The following SOX5 variants were observed in gnomAD, a reference collection of about 807,000 sequenced individuals.
SOX5 encodes SRY-box transcription factor 5, also known as transcription factor SOX-5.
In SOX5, 9 loss-of-function variants were observed where a neutral mutation model predicts 92.0. The observed-to-expected ratio is 0.10, with a 90% CI of 0.06 to 0.17. SOX5 has a LOEUF of 0.17. SOX5 is among the 10% of genes least tolerant of loss of function. The pLI, the probability that SOX5 is intolerant of heterozygous loss-of-function variation, is 1.00. For missense variants in SOX5, 642 were observed against 944.5 expected, an observed-to-expected ratio of 0.68 and a Z score of 4.20; for synonymous variants, 344 against 336.3, an observed-to-expected ratio of 1.02 and a Z score of -0.25.
intron 4 of SOX5, among the ~76,000 whole-genome samples, chr12:24,176,185 T>C (rs1413203666): frequency 6.6e-6 from 1 of 151,936 alleles, no homozygotes; most frequent in African/African-American, 2.4e-5. Context: ...ATAAATTAGC[T>C]GGGTGTGGTG....
chr12:23,899,072 C>G (rs80081717), intron 1 of SOX5, among the ~76,000 whole-genome samples: 11,741 of 152,192 alleles, frequency 0.077, 564 homozygotes, highest in Middle Eastern at 0.13. Context: ...TTTTGTCCAT[C>G]TATCAAAGTG....
At chr12:24,162,197 T>A (rs1952835340) in intron 4 of SOX5, among the ~76,000 whole-genome samples, 1 of 152,102 alleles carries the variant, frequency 6.6e-6, no homozygotes, top group Non-Finnish European at 1.5e-5. Context: ...CATTGTGCTT[T>A]TATAGAAAGA....
rs146185630 is a variant in SOX5, at chr12:23,836,783, C to T, written c.481+9200G>A. Among the ~76,000 whole-genome samples, 6 of 151,906 alleles carry T rather than the reference C, an allele frequency of 3.9e-5. No homozygotes were observed. In the East Asian group the frequency reaches 1.2e-3, roughly 29 times the overall value. ...CACAACCTGCTGTTCATTTTAATGG[C>T]CTTTGAAAAACAATGGCAAAAATAG... is the stretch of plus-strand genomic sequence containing the variant. On this transcript the variant is annotated intron_variant, in intron 3 of 14. Transcript: ENST00000451604.
At chr12:24,339,080 G>A (rs1300483294) in intron 2 of SOX5, among the ~76,000 whole-genome samples, 1 of 151,862 alleles carries the variant, frequency 6.6e-6, no homozygotes, top group Admixed American at 6.6e-5. Context: ...CTCTTTTGGA[G>A]CTTACAGTCT....
intron 1 of SOX5, among the ~76,000 whole-genome samples, chr12:24,444,042 G>A (rs1596702871): frequency 6.6e-6 from 1 of 152,206 alleles, no homozygotes; most frequent in Non-Finnish European, 1.5e-5. Flanking sequence ...GGAAGGGGTT[G>A]AGGTAGTTCT....
chr12:24,160,852 G>T (rs1952682472), intron 4 of SOX5, among the ~76,000 whole-genome samples: 1 of 151,926 alleles, frequency 6.6e-6, no homozygotes, highest in African/African-American at 2.4e-5. Context: ...ATTTTTCAGG[G>T]GATGACCTCA....
chr12:24,143,833 G>GAGGAGGA (rs1017291853), intron 4 of SOX5, among the ~76,000 whole-genome samples: 1 of 151,340 alleles, frequency 6.6e-6, no homozygotes, highest in East Asian at 1.9e-4. Context: ...AAAGAAAGAG[G>GAGGAGGA]AGGAGGAAGA....
intron 1 of SOX5, among the ~76,000 whole-genome samples, chr12:24,461,387 G>A (rs1464343442): frequency 6.6e-6 from 1 of 152,174 alleles, no homozygotes; most frequent in Admixed American, 6.5e-5. Flanking sequence ...CAAGAGAAAT[G>A]GGAGGATGAC....
intron 4 of SOX5, among the ~76,000 whole-genome samples, chr12:23,993,925 ATGTATGTG>A (rs1569436833): frequency 4.0e-5 from 6 of 151,734 alleles, no homozygotes; most frequent in Non-Finnish European, 8.8e-5. Context: ...GCATGTATGC[ATGTATGTG>A]TGTATGTTTG....
intron 1 of SOX5, among the ~76,000 whole-genome samples, chr12:23,911,551 A>G (rs1230011659): frequency 6.6e-6 from 1 of 152,118 alleles, no homozygotes; most frequent in Admixed American, 6.6e-5. Context: ...ATGACTTATT[A>G]ATAACATATA....
In SOX5 at chr12:23,530,798, A is replaced by AGTGAGTGTGTGTGT. The variant is rs1555114759; in HGVS notation, c.*3420_*3421insACACACACACTCAC. On this transcript the variant is annotated 3_prime_UTR_variant, in exon 15 of 15. Transcript: ENST00000451604. ...AAGATTATTTCTCAGTGTTGGGGCA[A>AGTGAGTGTGTGTGT]GTGTGTGTGTGTGTGTGTGTGCGCG... is the stretch of plus-strand genomic sequence containing the variant. The AGTGAGTGTGTGTGT allele has an allele frequency of 9.1e-6, 1 of 109,472 alleles. No homozygotes were observed. Among genetic ancestry groups the AGTGAGTGTGTGTGT allele is most frequent in the Non-Finnish European group, 1.9e-5 (1 of 51,770 alleles). 6.8% of individuals were successfully genotyped at this position (109,472 alleles called of 1,614,324 possible). A position where few individuals can be genotyped will look rare whatever the true frequency, so the allele number is the denominator to read the frequency against.
In SOX5 at chr12:24,320,732, G is replaced by A. The variant is rs1312104404; in HGVS notation, c.-173-43420C>T. Among the ~76,000 whole-genome samples the A allele has an allele frequency of 2.6e-5, 4 of 151,962 alleles. No homozygotes were observed. The East Asian group carries it at 7.7e-4, about 29-fold the overall frequency. On this transcript the variant is annotated intron_variant, in intron 2 of 4. Coordinates refer to the SOX5 transcript ENST00000446891. Reference sequence around the variant, plus strand: ...TACAAAAAATTAGCAGGGCATGGTGGTGGGCACCTGTAGTCCCAGCTACTC... The same window carrying A: ...TACAAAAAATTAGCAGGGCATGGTGATGGGCACCTGTAGTCCCAGCTACTC...
At chr12:24,360,010 AG>A (rs1255264999) in intron 2 of SOX5, among the ~76,000 whole-genome samples, 1 of 152,234 alleles carries the variant, frequency 6.6e-6, no homozygotes, top group East Asian at 1.9e-4. Flanking sequence ...GAAAAGAAAA[AG>A]GATGGCAGGG....
At chr12:24,059,275 C>G (rs892493206) in intron 4 of SOX5, among the ~76,000 whole-genome samples, 1 of 151,958 alleles carries the variant, frequency 6.6e-6, no homozygotes, top group African/African-American at 2.4e-5. Context: ...TCACAGCACT[C>G]TCATCGCACC....
chr12:23,559,689 G>A (rs924476638), intron 11 of SOX5, among the ~76,000 whole-genome samples: 2 of 152,152 alleles, frequency 1.3e-5, no homozygotes, highest in African/African-American at 4.8e-5. Context: ...ATGAAGAAAA[G>A]TTAATGTGTA....
At chr12:24,158,558 A>G (rs1388875458) in intron 4 of SOX5, among the ~76,000 whole-genome samples, 2 of 152,010 alleles carry the variant, frequency 1.3e-5, no homozygotes, top group Admixed American at 6.6e-5. Context: ...TAACAGTTTA[A>G]TAAGACTGCT....
At chr12:23,648,071 T>C (rs1164869796) in intron 7 of SOX5, among the ~76,000 whole-genome samples, 3 of 152,210 alleles carry the variant, frequency 2.0e-5, no homozygotes, top group Admixed American at 6.5e-5. Context: ...TCCCATCTTA[T>C]GTGGGTGCAG....
At chr12:23,948,515 T>C (rs1944982976) in intron 1 of SOX5, among the ~76,000 whole-genome samples, 1 of 151,878 alleles carries the variant, frequency 6.6e-6, no homozygotes, top group South Asian at 2.1e-4. Flanking sequence ...CATTGCATAG[T>C]CAGATACAAC....
intron 6 of SOX5, among the ~76,000 whole-genome samples, chr12:23,688,207 T>A (rs552224154): frequency 2.0e-5 from 3 of 152,084 alleles, no homozygotes; most frequent in Non-Finnish European, 4.4e-5. Flanking sequence ...ATAGTTCTCA[T>A]CTCAATTATA....
Sources: allele counts gnomAD v4.1 joint callset (sites outside exome capture counted in the v4.1 genomes callset), GRCh38; gene constraint gnomAD v4.1.1; transcripts MANE v1.5; gene names NCBI Gene and HGNC (gene_info 2026-07-23, HGNC 2026-07-21).